The following ZNF682 variants were observed in gnomAD, a reference collection of about 807,000 sequenced individuals.
The protein encoded by ZNF682 is zinc finger protein 682.
Under a neutral mutation model 36.5 loss-of-function variants are expected in ZNF682, and 29 were observed. The ratio of observed to expected loss-of-function variants is 0.80; its 90% CI spans 0.59 to 1.08. ZNF682 has a LOEUF of 1.08. Among genes scored for constraint, ZNF682 ranks in the 50% least tolerant of loss-of-function variants. ZNF682 has a pLI of 0.00. For synonymous variants in ZNF682, 180 were observed against 197.0 expected, an observed-to-expected ratio of 0.91 and a Z score of 0.72; for missense variants, 561 against 579.7, an observed-to-expected ratio of 0.97 and a Z score of 0.33.
intron 1 of ZNF682, among the ~76,000 whole-genome samples, chr19:20,038,918 T>A (rs2088558187): frequency 6.6e-6 from 1 of 152,192 alleles, no homozygotes; most frequent in African/African-American, 2.4e-5. Flanking sequence ...TTAACTTCAA[T>A]AAGTTTTCAA....
downstream of ZNF682, among the ~76,000 whole-genome samples, chr19:20,003,432 T>C (rs8103577): frequency 0.82 from 125,217 of 151,846 alleles, 51,974 homozygotes; most frequent in African/African-American, 0.9. Context: ...TGGCCGGGCA[T>C]GGTGGCTCAT....
At chr19:20,035,345 GCTC>G (rs1385857622) in intron 1 of ZNF682, among the ~76,000 whole-genome samples, 1 of 151,164 alleles carries the variant, frequency 6.6e-6, no homozygotes, top group East Asian at 2.0e-4. Context: ...CCTGCCTCAG[GCTC>G]CCGAGTAGCT....
Position 20,023,978 on chromosome 19 carries a change from C to A in ZNF682, c.130+272G>T, listed in dbSNP as rs150678059. 9.9e-3 allele frequency among the ~76,000 whole-genome samples: 1,503 copies of A among 151,844 alleles called. 30 individuals are homozygous for A. The highest frequency in any genetic ancestry group is 0.034 in the African/African-American group (1,424 of 41,386). Reference sequence around the variant, plus strand: ...CCTGGGCAACAGAGCTAGACTCTGTCTCAAAAAATAAAATAAAATAAAATA... The same window carrying A: ...CCTGGGCAACAGAGCTAGACTCTGTATCAAAAAATAAAATAAAATAAAATA... On this transcript the variant is annotated intron_variant, in intron 2 of 3. Coordinates refer to ENST00000397165, the MANE Select transcript of ZNF682 (RefSeq NM_033196.3).
intron 3 of ZNF682, among the ~76,000 whole-genome samples, chr19:20,021,799 G>T (rs1328505677): frequency 1.3e-5 from 2 of 152,118 alleles, no homozygotes; most frequent in African/African-American, 2.4e-5. Context: ...AATAACATTA[G>T]ATTTTCTTAT....
chr19:20,004,677 A>T lies in ZNF682; in HGVS notation c.*1328T>A, dbSNP rs1189538771. On this transcript the variant is annotated 3_prime_UTR_variant, in exon 4 of 4. Coordinates refer to ENST00000397165, the MANE Select transcript of ZNF682 (RefSeq NM_033196.3). ...CTCAATCTTCTGTTGAAAAGTATGTAAATGACATCCTAATATAGAACTTCT... is the reference window on the plus strand; with the variant it reads ...CTCAATCTTCTGTTGAAAAGTATGTTAATGACATCCTAATATAGAACTTCT... 1.3e-5 allele frequency: 2 copies of T among 152,198 alleles called. No individual in the cohort carries two copies. Among genetic ancestry groups the T allele is most frequent in the Admixed American group, 1.3e-4 (2 of 15,288 alleles). 9.4% of individuals were successfully genotyped at this position (152,198 alleles called of 1,614,324 possible).
At chr19:20,026,890 T>C (rs998588525) in intron 1 of ZNF682, among the ~76,000 whole-genome samples, 3 of 152,200 alleles carry the variant, frequency 2.0e-5, no homozygotes, top group Non-Finnish European at 4.4e-5. Flanking sequence ...GAAGTATTTT[T>C]CAGCGCCTCT....
intron 1 of ZNF682, among the ~76,000 whole-genome samples, chr19:20,037,295 G>A (rs1480601915): frequency 6.6e-6 from 1 of 152,128 alleles, no homozygotes; most frequent in Admixed American, 6.6e-5. Flanking sequence ...GGAAGGACTG[G>A]TTCATGCTAT....
rs777710045 is a variant in ZNF682, at chr19:20,015,807, T to C, written c.226+7197A>G. 76 of 398,190 alleles carry C rather than the reference T, an allele frequency of 1.9e-4. 1 individual carries two copies. The highest frequency in any genetic ancestry group is 1.9e-3 in the Middle Eastern group (3 of 1,582). The allele number at this position is 398,190 out of a possible 1,614,324, so 24.7% of individuals were successfully genotyped here. A position where few individuals can be genotyped will look rare whatever the true frequency, so the allele number is the denominator to read the frequency against. ...AGGGAAACTTATTAATATGTTGCTC[T>C]TCTTTTTACACAAAATGGTAAGGCT... On this transcript the variant is annotated intron_variant, in intron 3 of 3. Coordinates refer to ENST00000397165, the MANE Select transcript of ZNF682 (RefSeq NM_033196.3).
At chr19:19,997,065 A>C (rs1314466964) in exon 4 of ZNF682, 10 of 393,382 alleles carry the variant, frequency 2.5e-5, no homozygotes, top group Non-Finnish European at 4.0e-5. Flanking sequence ...GGCATAAGAC[A>C]AGGAAAAAAA....
downstream of ZNF682, chr19:19,997,055 G>C: frequency 2.5e-6 from 1 of 392,668 alleles, no homozygotes; most frequent in East Asian, 3.6e-5. Context: ...ACAGAAACCA[G>C]GCATAAGACA....
rs1023611136 is a variant in ZNF682 at position 20,005,022 on chromosome 19, AT to A, written c.*982del. 3.3e-5 allele frequency: 5 copies of A among 152,190 alleles called. No homozygotes were observed. The highest frequency in any genetic ancestry group is 9.6e-5 in the African/African-American group (4 of 41,548). 9.4% of individuals were successfully genotyped at this position (152,190 alleles called of 1,614,324 possible). A position where few individuals can be genotyped will look rare whatever the true frequency, so the allele number is the denominator to read the frequency against. On this transcript the variant is annotated 3_prime_UTR_variant, in exon 4 of 4. Coordinates refer to ENST00000397165, the MANE Select transcript of ZNF682 (RefSeq NM_033196.3). ...ATCTTCTGATGTTCATTTAGACTTA[AT>A]TTTTTATTAATTTTTTATATTTACT... is the stretch of plus-strand genomic sequence containing the variant.
chr19:20,008,727 T>C (rs1260605783), intron 3 of ZNF682, among the ~76,000 whole-genome samples: 3 of 152,116 alleles, frequency 2.0e-5, no homozygotes, highest in Non-Finnish European at 4.4e-5. Flanking sequence ...GTGCCAGCAG[T>C]TGAAGGGAAT....
rs145062928 is a variant in ZNF682, at chr19:20,006,668, A to T, written c.834T>A (p.Ile278=). 92 of 1,613,856 alleles carry T rather than the reference A, an allele frequency of 5.7e-5. No individual in the cohort carries two copies. In the Admixed American group the frequency reaches 1.5e-3, roughly 27 times the overall value. The change falls in exon 4 of 4, where the codon ATT becomes ATA. Residue 278 remains isoleucine (I), a synonymous_variant. Transcript: ENST00000397165. Reference sequence around the variant, plus strand: ...ATGTATAGGGTTTTTCTCCTGTATGAATTTTCTTATGTCTAACAAAGGGTG... The same window carrying T: ...ATGTATAGGGTTTTTCTCCTGTATGTATTTTCTTATGTCTAACAAAGGGTG... ...WCSPFVRHKK[I]HTGEKPYTCE... is the part of the protein sequence containing the mutation.
At chr19:20,039,069 G>A (rs1359951956) in intron 1 of ZNF682, 2 of 1,216,742 alleles carry the variant, frequency 1.6e-6, no homozygotes. Flanking sequence ...CCCCGCAGTC[G>A]GGGCAGACGC....
intron 1 of ZNF682, among the ~76,000 whole-genome samples, chr19:20,028,785 G>T (rs1014575949): frequency 2.6e-5 from 4 of 152,128 alleles, no homozygotes; most frequent in Admixed American, 1.3e-4. Flanking sequence ...AACAACACGC[G>T]CACATGCATT....
chr19:20,010,224 C>T (rs2088271370), intron 3 of ZNF682, among the ~76,000 whole-genome samples: 1 of 152,120 alleles, frequency 6.6e-6, no homozygotes. Flanking sequence ...ATACCTACTA[C>T]CACAAAAACA....
downstream of ZNF682, among the ~76,000 whole-genome samples, chr19:20,000,800 T>C (rs138236750): frequency 0.012 from 1,772 of 152,310 alleles, 18 homozygotes; most frequent in South Asian, 0.031. Context: ...CTTTTTTAGC[T>C]TGGCTGCTGG....
intron 3 of ZNF682, among the ~76,000 whole-genome samples, chr19:20,010,235 C>T (rs574567996): frequency 6.6e-6 from 1 of 152,120 alleles, no homozygotes; most frequent in Non-Finnish European, 1.5e-5. Context: ...CACAAAAACA[C>T]ACATAAGTAC....
At position 20,024,285 on chromosome 19, in the gene ZNF682, A is replaced by G; in HGVS notation, c.95T>C (p.Val32Ala). ...CAGGTTTCTGTAGTTCTCTAGCATC[A>G]CTTTCCTATACAAACTCTGCTGAGC... Reference protein sequence around the residue: ...NPAQQSLYRKVMLENYRNLVS... With the variant: ...NPAQQSLYRKAMLENYRNLVS... Residue 32 changes from valine to alanine, a missense_variant, in exon 2 of 4, where the codon GTG (valine) becomes GCG (alanine). Transcript: ENST00000397165. 1 of 1,614,090 alleles carries G rather than the reference A, an allele frequency of 6.2e-7. No individual in the cohort carries two copies. The highest frequency in any genetic ancestry group is 8.5e-7 in the Non-Finnish European group (1 of 1,179,984).
Sources: gnomAD v4.1 joint callset for allele counts (sites outside exome capture counted in the v4.1 genomes callset) on GRCh38, gnomAD v4.1.1 for gene constraint, MANE v1.5 for transcripts, NCBI Gene and HGNC (gene_info 2026-07-23, HGNC 2026-07-21) for gene names.